DNAH10: variants seen among roughly 807,000 people sequenced by gnomAD.
DNAH10 encodes the protein axonemal beta dynein heavy chain 10.
Under a neutral mutation model 506.6 loss-of-function variants are expected in DNAH10, and 348 were observed. That is an observed-to-expected ratio of 0.69 (90% confidence interval 0.63 to 0.75). DNAH10 has a LOEUF of 0.75. DNAH10 is among the 30% of genes least tolerant of loss of function. The probability of loss-of-function intolerance (pLI) is 0.00; values close to 1 mark genes in which losing one functional copy is unlikely to be tolerated. For missense variants in DNAH10, 5,179 were observed against 5,787.1 expected (o/e 0.89, Z 3.41); for synonymous variants, 2,059 against 2,198.6 (o/e 0.94, Z 1.78).
chr12:123,925,039 G>A lies in DNAH10; in HGVS notation c.11767-11G>A, dbSNP rs1350558347. ...AGTTGACGCACAATGAATATTCTTT[G>A]CTTTTCCCAGTGGTATGACCTGGAT... On this transcript the variant is annotated splice_polypyrimidine_tract_variant and intron_variant, in intron 67 of 78. Transcript: ENST00000673944. The surrounding 1 kb of genome is among the most constrained non-coding windows in gnomAD (Gnocchi z 4.0). 1 of 1,613,378 alleles carries A rather than the reference G, an allele frequency of 6.2e-7. No individual in the cohort carries two copies. Among genetic ancestry groups the A allele is most frequent in the African/African-American group, 1.3e-5 (1 of 74,908 alleles).
intron 62 of DNAH10, among the ~76,000 whole-genome samples, chr12:123,915,930 A>G (rs952235693): frequency 1.3e-5 from 2 of 151,974 alleles, no homozygotes; most frequent in African/African-American, 4.9e-5. Context: ...TGCTGAGCTA[A>G]TGAACAAATT....
intron 11 of DNAH10, among the ~76,000 whole-genome samples, chr12:123,793,706 T>G (rs1403007722): frequency 6.6e-6 from 1 of 152,204 alleles, no homozygotes; most frequent in South Asian, 2.1e-4. Context: ...TCTCCTGCAT[T>G]TTTTGTTTAT....
At position 123,841,446 on chromosome 12, in the gene DNAH10, G is replaced by A. The variant is rs761018845; in HGVS notation, c.5261G>A (p.Arg1754His). ...CGGAAGATCTTGCGGGCTGAAGGGC[G>A]CGTGGAGGACTGGATGACGGCAGTT... Reference protein sequence around the residue: ...EFRKILRAEGRVEDWMTAVLN... With the variant: ...EFRKILRAEGHVEDWMTAVLN... Residue 1754 changes from arginine (R) to histidine (H), a missense_variant, in exon 30 of 79, where the codon CGC becomes CAC. Coordinates refer to ENST00000673944, the MANE Select transcript of DNAH10 (RefSeq NM_001372106.1). 1.4e-5 allele frequency: 22 copies of A among 1,613,900 alleles called. No individual in the cohort carries two copies. Among genetic ancestry groups the A allele is most frequent in the East Asian group, 1.3e-4 (6 of 44,900 alleles).
At chr12:123,837,862 C>T (rs982058322) in intron 28 of DNAH10, among the ~76,000 whole-genome samples, 1 of 151,754 alleles carries the variant, frequency 6.6e-6, no homozygotes, top group African/African-American at 2.4e-5. Context: ...GTCTTAGTCT[C>T]CCAAAGCACT....
chr12:123,888,500 GAC>G (rs1196501443), intron 52 of DNAH10, among the ~76,000 whole-genome samples: 1 of 152,180 alleles, frequency 6.6e-6, no homozygotes, highest in African/African-American at 2.4e-5. Context: ...GGAGATTTGA[GAC>G]ACAGAGAATA....
chr12:123,842,089 C>A (rs528263388), intron 30 of DNAH10, among the ~76,000 whole-genome samples: 1 of 152,280 alleles, frequency 6.6e-6, no homozygotes, highest in African/African-American at 2.4e-5. Context: ...CAGCACAGGG[C>A]CCCTGGGATT....
chr12:123,820,580 G>T lies in DNAH10; in HGVS notation c.4001G>T (p.Gly1334Val). Residue 1334 changes from glycine to valine, a missense_variant and splice_region_variant, in exon 24 of 79, where the codon GGA becomes GTA. This residue lies in a region of DNAH10 where 4,844 missense variants were observed against 5,430.5 expected (regional missense o/e 0.89). Transcript: ENST00000673944. ...PGSVGDDLDK[G>V]VELLGVYERE... ...ACTCATCGGTGTATTTATTTACTAG[G>T]AGTAGAGCTTTTAGGTGTTTATGAA... 1.2e-6 allele frequency: 2 copies of T among 1,613,428 alleles called. No individual in the cohort carries two copies. The highest frequency in any genetic ancestry group is 1.1e-5 in the South Asian group (1 of 91,044).
At chr12:123,866,260 T>TTTTTTTTG (rs1160562001) in intron 41 of DNAH10, among the ~76,000 whole-genome samples, 187 bp downstream of exon 41, 1 of 139,882 alleles carries the variant, frequency 7.1e-6, no homozygotes, top group African/African-American at 2.8e-5. Flanking sequence ...TTTTTTTTTT[T>TTTTTTTTG]GGAGACGGAG....
At chr12:123,921,032 C>A (rs1289761423) in intron 65 of DNAH10, among the ~76,000 whole-genome samples, 1 of 152,208 alleles carries the variant, frequency 6.6e-6, no homozygotes, top group African/African-American at 2.4e-5. Flanking sequence ...CTCGGCCTCC[C>A]AAAGTGCTGG....
intron 51 of DNAH10, among the ~76,000 whole-genome samples, chr12:123,885,751 A>C (rs535561410): frequency 6.6e-6 from 1 of 152,356 alleles, no homozygotes; most frequent in South Asian, 2.1e-4. Context: ...ATTCTTGCCA[A>C]TACTAGATAT....
At chr12:123,898,046 G>A in intron 55 of DNAH10, 79 bp downstream of exon 55, 1 of 1,338,326 alleles carries the variant, frequency 7.5e-7, no homozygotes, top group South Asian at 1.6e-5. Flanking sequence ...CTTTTCTTTA[G>A]TAAGATGGGG....
Position 123,833,210 on chromosome 12 carries a change from G to A in DNAH10, c.4642G>A (p.Val1548Ile). The change falls in exon 27 of 79, where the codon GTT (valine) becomes ATT (isoleucine). Residue 1548 changes from valine (V) to isoleucine (I), a missense_variant. Around this residue, in one of 3 missense-constraint regions of DNAH10, gnomAD observed 4,844 missense variants for 5,430.5 expected, o/e 0.89. Coordinates refer to ENST00000673944, the MANE Select transcript of DNAH10 (RefSeq NM_001372106.1). ...GGAGCGAGGCTACATCCTGGGTTCT[G>A]TTGACGAAATTATTCAGTCTCTTGA... ...TQERGYILGS[V>I]DEIIQSLDDN... 6.2e-7 allele frequency: 1 copy of A among 1,613,880 alleles called. No individual in the cohort carries two copies.
chr12:123,774,224 A>G lies in DNAH10; in HGVS notation c.581A>G (p.Asn194Ser). 1 of 1,609,466 alleles carries G rather than the reference A, an allele frequency of 6.2e-7. No homozygotes were observed. Among genetic ancestry groups the G allele is most frequent in the Non-Finnish European group, 8.5e-7 (1 of 1,178,724 alleles). The change falls in exon 5 of 79, where the codon AAC becomes AGC. Residue 194 changes from asparagine (N) to serine (S), a missense_variant. Transcript: ENST00000673944. ...MPETLEYGII[N>S]ANVLHFLKNI... ...GAAACACTGGAGTATGGAATTATAA[A>G]CGCTAATGTGCTCCATTTTCTGAAG...
At chr12:123,767,313 C>T (rs1300250187) in intron 1 of DNAH10, among the ~76,000 whole-genome samples, 1 of 152,212 alleles carries the variant, frequency 6.6e-6, no homozygotes, top group Non-Finnish European at 1.5e-5. Flanking sequence ...TAGTGTTGTG[C>T]ACCCAGGAGC....
chr12:123,914,748 C>A, intron 61 of DNAH10, 104 bp from the exon 62 acceptor site: 4 of 1,481,158 alleles, frequency 2.7e-6, no homozygotes, highest in Admixed American at 2.2e-5. Flanking sequence ...GCTTGTGTGG[C>A]CTGGGGATGG....
intron 11 of DNAH10, among the ~76,000 whole-genome samples, chr12:123,793,585 G>A (rs982132796): frequency 4.6e-5 from 7 of 152,088 alleles, no homozygotes; most frequent in African/African-American, 7.2e-5. Context: ...TGATCTGCCC[G>A]TCTCGGCCTC....
At chr12:123,797,887 C>T (rs1385412407) in intron 13 of DNAH10, among the ~76,000 whole-genome samples, 2 of 152,144 alleles carry the variant, frequency 1.3e-5, no homozygotes, top group African/African-American at 2.4e-5. Flanking sequence ...TTTGAAGATC[C>T]CGATAGTAAA....
intron 25 of DNAH10, among the ~76,000 whole-genome samples, chr12:123,827,358 C>T (rs2136466963): frequency 6.6e-6 from 1 of 152,350 alleles, no homozygotes; most frequent in South Asian, 2.1e-4. Flanking sequence ...AACATTTATT[C>T]ATGAGATATT....
chr12:123,845,929 G>A (rs187546973), intron 31 of DNAH10, 42 bp from the exon 32 acceptor site: 4 of 1,613,146 alleles, frequency 2.5e-6, no homozygotes, highest in African/African-American at 2.7e-5. Flanking sequence ...CCGCTGATCT[G>A]TCTCAACGGT....
Sources: gnomAD v4.1 joint callset for allele counts (sites outside exome capture counted in the v4.1 genomes callset) on GRCh38, gnomAD v4.1.1 for gene constraint, gnomAD v4.1.1 regional missense constraint, Gnocchi (gnomAD v3.1) non-coding constraint, MANE v1.5 for transcripts, NCBI Gene and HGNC (gene_info 2026-07-23, HGNC 2026-07-21) for gene names.